The following CCSER1 variants were observed in gnomAD, a reference collection of about 807,000 sequenced individuals.
CCSER1 encodes serine-rich coiled-coil domain-containing protein 1.
In CCSER1, 41 loss-of-function variants were observed where a neutral mutation model predicts 82.0. The observed-to-expected ratio is 0.50, with a 90% confidence interval of 0.39 to 0.65. The LOEUF (loss-of-function observed/expected upper bound fraction) is 0.65. CCSER1 is among the 30% of genes least tolerant of loss of function. CCSER1 has a pLI of 0.00. For missense variants in CCSER1, 1,119 were observed against 1,064.2 expected (o/e 1.05, Z -0.72); for synonymous variants, 414 against 383.9 (o/e 1.08, Z -0.92).
chr4:90,875,929 T>C (rs922637172), intron 8 of CCSER1, among the ~76,000 whole-genome samples: 12 of 152,182 alleles, frequency 7.9e-5, no homozygotes, highest in Admixed American at 7.9e-4. Flanking sequence ...GTTTCACTTA[T>C]AAAAAGCAGC....
At chr4:90,848,345 GA>G (rs1161105240) in intron 8 of CCSER1, among the ~76,000 whole-genome samples, 4 of 152,148 alleles carry the variant, frequency 2.6e-5, no homozygotes, top group African/African-American at 9.7e-5. Context: ...GCTAAGGGCA[GA>G]AAATGGCTCT....
chr4:90,158,257 T>C (rs1467039341), intron 1 of CCSER1, among the ~76,000 whole-genome samples: 2 of 152,134 alleles, frequency 1.3e-5, no homozygotes, highest in Non-Finnish European at 2.9e-5. Context: ...GAGGAGTACC[T>C]GGTCGTGTGA....
At chr4:90,177,768 A>G (rs1024525353) in intron 1 of CCSER1, among the ~76,000 whole-genome samples, 4 of 152,022 alleles carry the variant, frequency 2.6e-5, no homozygotes, top group Non-Finnish European at 5.9e-5. Context: ...TGCCTAAACC[A>G]TTTAAGCAGT....
intron 9 of CCSER1, among the ~76,000 whole-genome samples, chr4:90,928,400 A>T (rs1729327247): frequency 1.3e-5 from 2 of 152,120 alleles, no homozygotes. Context: ...TTCATTCAAC[A>T]AATATGACTA....
At chr4:90,271,058 A>G (rs772483432) in intron 1 of CCSER1, among the ~76,000 whole-genome samples, 1 of 152,156 alleles carries the variant, frequency 6.6e-6, no homozygotes, top group Non-Finnish European at 1.5e-5. Context: ...TAAAATGTCC[A>G]TGGTACCCAC....
At chr4:90,668,559 T>A (rs1049252379) in intron 6 of CCSER1, among the ~76,000 whole-genome samples, 6 of 152,144 alleles carry the variant, frequency 3.9e-5, no homozygotes, top group Admixed American at 3.9e-4. Flanking sequence ...TATTATATGC[T>A]GAGCTTTGAT....
intron 6 of CCSER1, among the ~76,000 whole-genome samples, chr4:90,698,924 G>C (rs774407818): frequency 8.6e-5 from 13 of 152,032 alleles, no homozygotes; most frequent in Non-Finnish European, 1.5e-4. Flanking sequence ...GGGCAACATA[G>C]TGGGACTCCA....
At chr4:90,251,899 AG>A (rs2153441774) in intron 1 of CCSER1, among the ~76,000 whole-genome samples, 1 of 151,738 alleles carries the variant, frequency 6.6e-6, no homozygotes, top group African/African-American at 2.4e-5. Flanking sequence ...TTCTTTTTAA[AG>A]GTTTGATTTT....
intron 10 of CCSER1, among the ~76,000 whole-genome samples, chr4:91,214,590 T>C (rs1457878906): frequency 6.6e-6 from 1 of 152,178 alleles, no homozygotes; most frequent in Non-Finnish European, 1.5e-5. Context: ...GCAGACTCTA[T>C]TTTTCTTGTT....
In CCSER1 at chr4:90,750,852, T is replaced by G. The variant is rs181860596; in HGVS notation, c.2010+26861T>G. On this transcript the variant is annotated intron_variant, in intron 7 of 10. Coordinates refer to ENST00000509176, the MANE Select transcript of CCSER1 (RefSeq NM_001145065.2). ...GAATTTTCATTTAACTTTTTAATTT[T>G]CTTGTTACATAGACACTAGTCATTA... Among the ~76,000 whole-genome samples the G allele has an allele frequency of 5.3e-3, 813 of 152,268 alleles. 7 individuals are homozygous for G. The highest frequency in any genetic ancestry group is 0.019 in the African/African-American group (780 of 41,572).
chr4:91,457,462 T>C (rs1319886977), intron 10 of CCSER1, among the ~76,000 whole-genome samples: 2 of 151,998 alleles, frequency 1.3e-5, no homozygotes, highest in African/African-American at 4.8e-5. Flanking sequence ...GCCAGGAATT[T>C]GAGATCAGCC....
rs11728760 is a variant in CCSER1 at position 91,056,388 on chromosome 4, C to G, written c.2173-29562C>G. Among the ~76,000 whole-genome samples the G allele has an allele frequency of 2.2e-3, 342 of 152,240 alleles. 3 individuals are homozygous for G. In the East Asian group the frequency reaches 0.034, roughly 15 times the overall value. ...TAGCTGGCATCTGGTGAGGGCTGCT[C>G]TCTGCTTCCAAGATGGCACCTTGAA... is the stretch of plus-strand genomic sequence containing the variant. On this transcript the variant is annotated intron_variant, in intron 9 of 10. Transcript: ENST00000509176.
intron 10 of CCSER1, among the ~76,000 whole-genome samples, chr4:91,380,165 A>T (rs1458108988): frequency 6.6e-6 from 1 of 152,176 alleles, no homozygotes; most frequent in Admixed American, 6.5e-5. Flanking sequence ...CTTTACTTCC[A>T]ACTATGTGGT....
intron 10 of CCSER1, among the ~76,000 whole-genome samples, chr4:91,414,300 G>T (rs570132998): frequency 6.6e-6 from 1 of 152,130 alleles, no homozygotes. Flanking sequence ...ATTTGAGGGG[G>T]CAGTGAAAAT....
At chr4:90,662,099 C>T (rs940813344) in intron 6 of CCSER1, among the ~76,000 whole-genome samples, 6 of 151,384 alleles carry the variant, frequency 4.0e-5, no homozygotes, top group Admixed American at 6.6e-5. Flanking sequence ...CCCAGGTTCA[C>T]GTGATTCTCC....
intron 5 of CCSER1, among the ~76,000 whole-genome samples, chr4:90,570,715 T>C (rs2153653842): frequency 6.6e-6 from 1 of 152,270 alleles, no homozygotes; most frequent in East Asian, 1.9e-4. Flanking sequence ...AGTCATCTTT[T>C]GCCTCCGGTC....
chr4:91,382,977 G>A (rs1338614288), intron 10 of CCSER1, among the ~76,000 whole-genome samples: 1 of 151,380 alleles, frequency 6.6e-6, no homozygotes, highest in Non-Finnish European at 1.5e-5. Context: ...CTGACTCCCT[G>A]AAGACTCAGA....
At chr4:90,598,068 T>C (rs913514819) in intron 5 of CCSER1, among the ~76,000 whole-genome samples, 5 of 152,110 alleles carry the variant, frequency 3.3e-5, no homozygotes, top group African/African-American at 9.7e-5. Flanking sequence ...TGTTTCCATA[T>C]CTTGACAATT....
intron 10 of CCSER1, among the ~76,000 whole-genome samples, chr4:91,320,891 C>T (rs974083213): frequency 6.6e-5 from 10 of 151,908 alleles, no homozygotes; most frequent in African/African-American, 2.4e-4. Context: ...GTCAATTTTC[C>T]ATTTTTAGTA....
Sources: gnomAD v4.1 joint callset for allele counts (sites outside exome capture counted in the v4.1 genomes callset) on GRCh38, gnomAD v4.1.1 for gene constraint, MANE v1.5 for transcripts, NCBI Gene and HGNC (gene_info 2026-07-23, HGNC 2026-07-21) for gene names.